Variants in PKD2L1 observed in about 807,000 individuals in gnomAD.
PKD2L1 encodes the protein polycystin-2-like protein 1.
Under a neutral mutation model 93.0 loss-of-function variants are expected in PKD2L1, and 77 were observed. The observed-to-expected ratio is 0.83, with a 90% CI of 0.69 to 1.00. The LOEUF (loss-of-function observed/expected upper bound fraction) is 1.00. Among genes scored for constraint, PKD2L1 ranks in the 50% least tolerant of loss-of-function variants. The pLI is 0.00. For synonymous variants in PKD2L1, 390 were observed against 388.0 expected (o/e 1.01, Z -0.06); for missense variants, 977 against 990.9 (o/e 0.99, Z 0.19).
intron 10 of PKD2L1, 33 bp downstream of exon 10, chr10:100,293,248 G>T: frequency 6.5e-7 from 1 of 1,547,406 alleles, no homozygotes; most frequent in Non-Finnish European, 8.9e-7. Flanking sequence ...GGCACTGATG[G>T]AAATGTGTAG....
At chr10:100,312,721 T>C (rs2133559985) in intron 2 of PKD2L1, among the ~76,000 whole-genome samples, 1 of 152,228 alleles carries the variant, frequency 6.6e-6, no homozygotes, top group Non-Finnish European at 1.5e-5. Context: ...TTCTTATGGA[T>C]TCAGTATGGC....
chr10:100,296,581 C>T (rs2134381838), intron 6 of PKD2L1, among the ~76,000 whole-genome samples: 1 of 152,200 alleles, frequency 6.6e-6, no homozygotes, highest in South Asian at 2.1e-4. Flanking sequence ...CCGCTCCCAC[C>T]ACTTCCAAGC....
At chr10:100,291,250 G>A (rs1290286568) in intron 12 of PKD2L1, 51 bp downstream of exon 12, 2 of 1,577,410 alleles carry the variant, frequency 1.3e-6, no homozygotes, top group Non-Finnish European at 1.7e-6. Flanking sequence ...GGGGGAAGGA[G>A]AGGGTGAGCT....
intron 11 of PKD2L1, among the ~76,000 whole-genome samples, chr10:100,291,830 A>T (rs1463645358): frequency 1.3e-5 from 2 of 152,088 alleles, no homozygotes; most frequent in African/African-American, 4.8e-5. Flanking sequence ...CTTTTGGCAG[A>T]GTGGTAGTGT....
intron 15 of PKD2L1, 126 bp from the exon 16 acceptor site, chr10:100,288,604 T>C: frequency 1.5e-6 from 1 of 666,170 alleles, no homozygotes; most frequent in African/African-American, 1.8e-5. Context: ...GGTTTCTACC[T>C]TTTTCACAGA....
In PKD2L1 at chr10:100,330,014, G is replaced by C; in HGVS notation, c.90C>G (p.Ser30=). Residue 30 remains serine, a synonymous_variant, in exon 1 of 16, where the codon TCC becomes TCG. Coordinates refer to ENST00000318222, the MANE Select transcript of PKD2L1 (RefSeq NM_016112.3). ...WDNPAYSGPP[S]PHGTLRVCTI... is the part of the protein sequence containing the mutation. ...TGCAGACTCTCAGCGTCCCGTGTGG[G>C]GAAGGGGGACCACTGTAGGCGGGGT... 4 of 1,613,734 alleles carry C rather than the reference G, an allele frequency of 2.5e-6. No individual in the cohort carries two copies. Among genetic ancestry groups the C allele is most frequent in the Non-Finnish European group, 3.4e-6 (4 of 1,179,758 alleles).
At chr10:100,318,557 C>CA (rs1849154464) in intron 2 of PKD2L1, among the ~76,000 whole-genome samples, 1 of 149,082 alleles carries the variant, frequency 6.7e-6, no homozygotes, top group African/African-American at 2.5e-5. Context: ...CTTGCTCTGT[C>CA]ACCCAGGTTG....
intron 8 of PKD2L1, 50 bp from the exon 9 acceptor site, chr10:100,294,705 T>A (rs762949127): frequency 6.2e-7 from 1 of 1,610,546 alleles, no homozygotes. Flanking sequence ...ACACCCCCCA[T>A]CCCACTTTCC....
chr10:100,293,142 A>G, intron 10 of PKD2L1, 73 bp from the exon 11 acceptor site: 1 of 1,590,696 alleles, frequency 6.3e-7, no homozygotes, highest in Non-Finnish European at 8.6e-7. Flanking sequence ...CCCCACCCAT[A>G]GTATGCCAGG....
At chr10:100,329,826 C>G in intron 1 of PKD2L1, 43 bp downstream of exon 1, 1 of 1,382,092 alleles carries the variant, frequency 7.2e-7, no homozygotes, top group Non-Finnish European at 1.0e-6. Flanking sequence ...GGTGACTCCT[C>G]CTGATTCTAA....
chr10:100,318,730 A>C (rs1306613933), intron 2 of PKD2L1, among the ~76,000 whole-genome samples: 2 of 151,722 alleles, frequency 1.3e-5, no homozygotes, highest in Non-Finnish European at 2.9e-5. Flanking sequence ...CGTGTTAGCC[A>C]GGATGGTCTC....
chr10:100,329,932 G>C lies in PKD2L1; in HGVS notation c.172C>G (p.Gln58Glu), dbSNP rs1260387137. ...ACCTGGGTCCTGTATGCCGTCTCCT[G>C]GGGTTCATCTTCAGGCTTCTTGGGT... ...PQPKKPEDEP[Q>E]ETAYRTQVSS... The change falls in exon 1 of 16, where the codon CAG becomes GAG. Residue 58 changes from glutamine (Q) to glutamate (E), a missense_variant. Transcript: ENST00000318222. The C allele has an allele frequency of 6.2e-7, 1 of 1,614,014 alleles. No homozygotes were observed. Among genetic ancestry groups the C allele is most frequent in the Admixed American group, 1.7e-5 (1 of 60,026 alleles).
intron 2 of PKD2L1, among the ~76,000 whole-genome samples, chr10:100,317,734 CA>C (rs1317891844): frequency 1.3e-5 from 2 of 152,064 alleles, no homozygotes; most frequent in Non-Finnish European, 2.9e-5. Context: ...GAGAACCTCA[CA>C]ACCTGAAAAG....
intron 2 of PKD2L1, among the ~76,000 whole-genome samples, chr10:100,310,023 G>T (rs1260429908): frequency 6.6e-6 from 1 of 152,140 alleles, no homozygotes; most frequent in Non-Finnish European, 1.5e-5. Context: ...CCATTTCTGA[G>T]GAAAAGAGAG....
intron 2 of PKD2L1, among the ~76,000 whole-genome samples, chr10:100,302,308 G>A (rs931065709): frequency 5.9e-5 from 9 of 151,304 alleles, no homozygotes; most frequent in African/African-American, 2.2e-4. Flanking sequence ...TGGATTCTTG[G>A]CAGCTTTTCT....
chr10:100,299,866 G>A (rs1589666639), intron 2 of PKD2L1, 148 bp from the exon 3 acceptor site: 1 of 656,958 alleles, frequency 1.5e-6, no homozygotes, highest in Non-Finnish European at 2.7e-6. Context: ...GGAGCCTAAT[G>A]GTGGCATGAG....
At chr10:100,301,084 C>A (rs1401167546) in intron 2 of PKD2L1, among the ~76,000 whole-genome samples, 1 of 152,122 alleles carries the variant, frequency 6.6e-6, no homozygotes, top group African/African-American at 2.4e-5. Flanking sequence ...ATGATGCCCC[C>A]TGAGCCGTAA....
chr10:100,330,202 T>C lies in PKD2L1; in HGVS notation c.-99A>G, dbSNP rs1849476803. On this transcript the variant is annotated 5_prime_UTR_variant, in exon 1 of 16. Coordinates refer to ENST00000318222, the MANE Select transcript of PKD2L1 (RefSeq NM_016112.3). ...CCCAGCCTAGCCAGCAGAGAGCAAA[T>C]GGAAAGGCGTCTGAGAGCAGCTGTT... 2.9e-6 allele frequency: 2 copies of C among 696,926 alleles called. No homozygotes were observed. The highest frequency in any genetic ancestry group is 1.8e-5 in the African/African-American group (1 of 55,792). The allele number at this position is 696,926 out of a possible 1,614,324, so 43.2% of individuals were successfully genotyped here.
intron 2 of PKD2L1, among the ~76,000 whole-genome samples, chr10:100,304,188 C>G (rs374433525): frequency 9.9e-5 from 15 of 152,156 alleles, no homozygotes; most frequent in African/African-American, 3.4e-4. Context: ...AAATTAGAAT[C>G]TAAATTTGGT....
Sources: allele counts gnomAD v4.1 joint callset (sites outside exome capture counted in the v4.1 genomes callset), GRCh38; gene constraint gnomAD v4.1.1; transcripts MANE v1.5; gene names NCBI Gene and HGNC (gene_info 2026-07-23, HGNC 2026-07-21).